ABRACL: variants seen among roughly 807,000 people sequenced by gnomAD.
ABRACL encodes the protein costars family protein ABRACL.
A neutral mutation model predicts 7.0 loss-of-function variants in ABRACL; 4 were observed. The ratio of observed to expected loss-of-function variants is 0.57; its 90% CI spans 0.28 to 1.30. The LOEUF (loss-of-function observed/expected upper bound fraction) is 1.30. ABRACL is among the 50% of genes most tolerant of loss of function. The probability of loss-of-function intolerance (pLI) is 0.10; values close to 1 mark genes in which losing one functional copy is unlikely to be tolerated. For missense variants in ABRACL, 104 were observed against 97.3 expected (o/e 1.07, Z -0.29); for synonymous variants, 30 against 36.0 (o/e 0.83, Z 0.60).
intron 2 of ABRACL, among the ~76,000 whole-genome samples, chr6:139,040,631 A>C (rs1157634737): frequency 2.6e-5 from 4 of 152,174 alleles, no homozygotes; most frequent in Non-Finnish European, 5.9e-5. Context: ...TCTACCTGTA[A>C]TCAGTGACAG....
At chr6:139,031,661 A>G (rs376029312) in intron 1 of ABRACL, among the ~76,000 whole-genome samples, 1 of 152,194 alleles carries the variant, frequency 6.6e-6, no homozygotes, top group African/African-American at 2.4e-5. Context: ...GGGACTATAA[A>G]CTAATATCAT....
Position 139,040,286 on chromosome 6 carries a change from G to A in ABRACL, c.62-2433G>A, listed in dbSNP as rs543976596. On this transcript the variant is annotated intron_variant, in intron 2 of 2. Transcript: ENST00000367660. ...AGTGATGCATGTGAGAAACACTCAG[G>A]GCCTGAACCAAGGAATTAACTGTGA... Among the ~76,000 whole-genome samples the A allele has an allele frequency of 5.9e-5, 9 of 152,208 alleles. No homozygotes were observed. In the South Asian group the frequency reaches 1.5e-3, roughly 25 times the overall value.
chr6:139,029,184 C>G (rs1303578537), intron 1 of ABRACL, among the ~76,000 whole-genome samples: 3 of 152,056 alleles, frequency 2.0e-5, no homozygotes, highest in Admixed American at 2.0e-4. Context: ...TGCGACGTGT[C>G]GGCTTTGCAC....
At chr6:139,033,979 G>A (rs1300475256) in intron 1 of ABRACL, among the ~76,000 whole-genome samples, 176 bp from the exon 2 acceptor site, 1 of 151,638 alleles carries the variant, frequency 6.6e-6, no homozygotes, top group Admixed American at 6.6e-5. Context: ...TACAAAGGTA[G>A]AGGGAAAATG....
intron 1 of ABRACL, among the ~76,000 whole-genome samples, chr6:139,032,085 C>G (rs893078760): frequency 6.6e-6 from 1 of 152,046 alleles, no homozygotes; most frequent in Non-Finnish European, 1.5e-5. Flanking sequence ...CTCAGCCTCC[C>G]GAGTAGCTGG....
chr6:139,032,799 T>C (rs879696448), intron 1 of ABRACL, among the ~76,000 whole-genome samples: 5 of 152,268 alleles, frequency 3.3e-5, no homozygotes, highest in Middle Eastern at 3.2e-3. Context: ...CCTGACATCC[T>C]GCAGGTGTAC....
chr6:139,039,397 G>C (rs536408547), intron 2 of ABRACL, among the ~76,000 whole-genome samples: 15 of 152,102 alleles, frequency 9.9e-5, no homozygotes, highest in African/African-American at 3.4e-4. Flanking sequence ...AAAATACATC[G>C]AACAGTTCTG....
intron 2 of ABRACL, among the ~76,000 whole-genome samples, chr6:139,039,995 C>T (rs1302532154): frequency 6.6e-6 from 1 of 151,940 alleles, no homozygotes; most frequent in Non-Finnish European, 1.5e-5. Flanking sequence ...GCTTGGAAGG[C>T]TCAAGAGGAT....
intron 2 of ABRACL, among the ~76,000 whole-genome samples, chr6:139,041,451 C>CTCTCTCTATATA (rs140091253): frequency 0.01 from 1,126 of 109,996 alleles, 10 homozygotes; most frequent in Non-Finnish European, 0.015. Context: ...CTCTCTCTCT[C>CTCTCTCTATATA]TATATATATA....
rs187237576 is a variant in ABRACL at position 139,039,827 on chromosome 6, G to A, written c.62-2892G>A. On this transcript the variant is annotated intron_variant, in intron 2 of 2. Coordinates refer to ENST00000367660, the MANE Select transcript of ABRACL (RefSeq NM_021243.3). ...CATAGGGAGCCATTGAAATATTAAA[G>A]TAGCCTTGATGAGGTGGCTCACACC... Among the ~76,000 whole-genome samples the A allele has an allele frequency of 1.9e-3, 295 of 152,276 alleles. 4 individuals are homozygous for A. The highest frequency in any genetic ancestry group is 6.7e-3 in the African/African-American group (278 of 41,546).
At chr6:139,035,641 C>A (rs1056904355) in intron 2 of ABRACL, among the ~76,000 whole-genome samples, 1 of 151,942 alleles carries the variant, frequency 6.6e-6, no homozygotes, top group Non-Finnish European at 1.5e-5. Flanking sequence ...TGCCACCACG[C>A]TCAGCTAATT....
At chr6:139,039,624 G>A (rs1786215000) in intron 2 of ABRACL, among the ~76,000 whole-genome samples, 1 of 152,152 alleles carries the variant, frequency 6.6e-6, no homozygotes, top group South Asian at 2.1e-4. Context: ...GCTGAACACG[G>A]GCACTGTTAC....
rs781503731 is a variant in ABRACL at position 139,042,925 on chromosome 6, T to C, written c.*22T>C. 6.5e-7 allele frequency: 1 copy of C among 1,546,522 alleles called. No individual in the cohort carries two copies. The highest frequency in any genetic ancestry group is 2.0e-5 in the Admixed American group (1 of 49,798). On this transcript the variant is annotated 3_prime_UTR_variant, in exon 3 of 3. Transcript: ENST00000367660. ...TTAATGTGGTTTACATATCTTTATGTACTGCCATTTTTTGTTTCTGGTAAA... is the reference window on the plus strand; with the variant it reads ...TTAATGTGGTTTACATATCTTTATGCACTGCCATTTTTTGTTTCTGGTAAA...
rs1291115890 is a variant in ABRACL, at chr6:139,036,058, T to C, written c.61+1837T>C. Among the ~76,000 whole-genome samples the C allele has an allele frequency of 2.6e-5, 4 of 152,050 alleles. No homozygotes were observed. The East Asian group carries it at 7.8e-4, about 30-fold the overall frequency. On this transcript the variant is annotated intron_variant, in intron 2 of 2. Transcript: ENST00000367660. ...GGCGGAGGTTGCAGTGAACCAAGAT[T>C]GTGCCACTGCACTCCAGCCTGGGCA... is the stretch of plus-strand genomic sequence containing the variant.
At chr6:139,032,300 C>G (rs966181276) in intron 1 of ABRACL, among the ~76,000 whole-genome samples, 1 of 152,194 alleles carries the variant, frequency 6.6e-6, no homozygotes. Context: ...GTGTTCAGGC[C>G]TCGTGCCTGT....
At chr6:139,029,605 GTGA>G (rs1006587481) in intron 1 of ABRACL, among the ~76,000 whole-genome samples, 13 of 152,176 alleles carry the variant, frequency 8.5e-5, no homozygotes, top group African/African-American at 3.1e-4. Context: ...CGGTGACCGT[GTGA>G]TGATGGGCTG....
chr6:139,041,196 G>A (rs1177579886), intron 2 of ABRACL, among the ~76,000 whole-genome samples: 2 of 152,026 alleles, frequency 1.3e-5, no homozygotes, highest in African/African-American at 4.8e-5. Flanking sequence ...CCTCCATGAA[G>A]TCTTCCTTAC....
chr6:139,034,056 T>C, intron 1 of ABRACL, 99 bp from the exon 2 acceptor site: 1 of 1,457,808 alleles, frequency 6.9e-7, no homozygotes, highest in Non-Finnish European at 9.4e-7. Flanking sequence ...AAATTAATAG[T>C]GACAGACGCG....
At chr6:139,033,145 T>G (rs977144681) in intron 1 of ABRACL, among the ~76,000 whole-genome samples, 8 of 152,144 alleles carry the variant, frequency 5.3e-5, no homozygotes, top group African/African-American at 1.9e-4. Context: ...ACAGTATGTG[T>G]GAAGGCTGGA....
Sources: gnomAD v4.1 joint callset for allele counts (sites outside exome capture counted in the v4.1 genomes callset) on GRCh38, gnomAD v4.1.1 for gene constraint, MANE v1.5 for transcripts, NCBI Gene and HGNC (gene_info 2026-07-23, HGNC 2026-07-21) for gene names.